Variants in RAI1 observed in about 807,000 individuals in gnomAD.
RAI1 encodes retinoic acid-induced protein 1.
RAI1 carries 9 observed loss-of-function variants against 123.8 expected under a neutral mutation model. The observed-to-expected ratio is 0.07, with a 90% confidence interval of 0.04 to 0.13. The LOEUF is 0.13. Ranked by LOEUF, RAI1 falls within the 10% of genes least tolerant of loss-of-function variation. The pLI is 1.00. For missense variants in RAI1, 2,256 were observed against 2,545.8 expected (o/e 0.89, Z 2.45); for synonymous variants, 1,231 against 1,127.3 (o/e 1.09, Z -1.84).
chr17:17,792,870 C>A (rs1244715091), intron 2 of RAI1, 63 bp from the exon 3 acceptor site: 2 of 1,070,094 alleles, frequency 1.9e-6, no homozygotes, highest in Admixed American at 2.0e-5. Context: ...TCCTCTGCCC[C>A]CTCCCTGCCC....
intron 1 of RAI1, among the ~76,000 whole-genome samples, chr17:17,710,351 C>T (rs1408386925): frequency 2.0e-5 from 3 of 152,210 alleles, no homozygotes; most frequent in Non-Finnish European, 4.4e-5. Context: ...GGTACCCATC[C>T]CACCCTCCAA....
chr17:17,767,410 G>GA (rs750016149), intron 2 of RAI1, among the ~76,000 whole-genome samples: 203 of 139,202 alleles, frequency 1.5e-3, no homozygotes, highest in Middle Eastern at 3.7e-3. Context: ...AAAACTCGCT[G>GA]AAAAAAAAAA....
At chr17:17,699,147 G>A (rs992035283) in intron 1 of RAI1, among the ~76,000 whole-genome samples, 1 of 152,236 alleles carries the variant, frequency 6.6e-6, no homozygotes, top group East Asian at 1.9e-4. Context: ...TGGGCTCCTA[G>A]AGGCTGGTGG....
At chr17:17,756,872 C>A (rs1021054320) in intron 2 of RAI1, among the ~76,000 whole-genome samples, 1 of 152,222 alleles carries the variant, frequency 6.6e-6, no homozygotes, top group Non-Finnish European at 1.5e-5. Flanking sequence ...CACCTGTTCA[C>A]TGGGGTGATG....
Position 17,810,235 on chromosome 17 carries a change from C to T in RAI1, c.*254C>T. 1 of 553,918 alleles carries T rather than the reference C, an allele frequency of 1.8e-6. No individual in the cohort carries two copies. The highest frequency in any genetic ancestry group is 3.1e-6 in the Non-Finnish European group (1 of 321,968). 34.3% of individuals were successfully genotyped at this position (553,918 alleles called of 1,614,324 possible). A position where few individuals can be genotyped will look rare whatever the true frequency, so the allele number is the denominator to read the frequency against. On this transcript the variant is annotated 3_prime_UTR_variant, in exon 6 of 6. Transcript: ENST00000353383. This position sits in a 1 kb window ranked among gnomAD's most constrained non-coding sequence, Gnocchi z 4.6. ...ACGGCACAGGGCGTTCTTGCCCACC[C>T]CAGGGGCCAGGCTTGCGGAGGGGGA...
chr17:17,763,005 A>G (rs2142992816), intron 2 of RAI1, among the ~76,000 whole-genome samples: 1 of 152,150 alleles, frequency 6.6e-6, no homozygotes, highest in Non-Finnish European at 1.5e-5. Context: ...GCCAGAGCTG[A>G]ACCCAGAGAT....
At chr17:17,749,400 G>A (rs988437237) in intron 2 of RAI1, among the ~76,000 whole-genome samples, 33 of 152,380 alleles carry the variant, frequency 2.2e-4, no homozygotes, top group African/African-American at 5.8e-4. Context: ...GGCATCAGGC[G>A]GAGGTCTTTC....
chr17:17,688,357 G>A (rs1914711934), intron 1 of RAI1, among the ~76,000 whole-genome samples: 1 of 151,990 alleles, frequency 6.6e-6, no homozygotes, highest in Non-Finnish European at 1.5e-5. Flanking sequence ...AGTGTCACAT[G>A]CCTGTAATCC....
At chr17:17,741,390 C>G (rs968669296) in intron 2 of RAI1, among the ~76,000 whole-genome samples, 1 of 152,214 alleles carries the variant, frequency 6.6e-6, no homozygotes, top group Non-Finnish European at 1.5e-5. Context: ...CCCTCCCGGG[C>G]CCCTCCATCA....
intron 2 of RAI1, among the ~76,000 whole-genome samples, chr17:17,740,298 C>G (rs554309203): frequency 6.6e-6 from 1 of 152,290 alleles, no homozygotes; most frequent in African/African-American, 2.4e-5. Context: ...GTCCCTAGCT[C>G]CTCCTCTGTC....
intron 1 of RAI1, among the ~76,000 whole-genome samples, chr17:17,719,289 G>C (rs961802497): frequency 4.6e-5 from 7 of 152,172 alleles, no homozygotes; most frequent in Admixed American, 6.5e-5. Context: ...AGCCCCTGTA[G>C]GTGTGGCCCC....
chr17:17,765,513 G>A (rs887198304), intron 2 of RAI1, among the ~76,000 whole-genome samples: 14 of 152,260 alleles, frequency 9.2e-5, no homozygotes, highest in Non-Finnish European at 1.9e-4. Flanking sequence ...AGCCCCAAAC[G>A]GCAAGACGTA....
intron 2 of RAI1, among the ~76,000 whole-genome samples, chr17:17,746,609 GTTTTCTTTTTTTTTCTTTTC>G (rs2029931746): frequency 6.9e-6 from 1 of 144,784 alleles, no homozygotes; most frequent in African/African-American, 2.5e-5. Flanking sequence ...CACCATATGT[GTTTTCTTTTTTTTTCTTTTC>G]TTTTCTTTTT....
intron 4 of RAI1, among the ~76,000 whole-genome samples, chr17:17,804,808 G>A (rs1052956421): frequency 9.2e-5 from 14 of 152,152 alleles, no homozygotes; most frequent in African/African-American, 2.4e-4. Context: ...ACAGATGTGC[G>A]CAGCCATGCT....
intron 1 of RAI1, among the ~76,000 whole-genome samples, chr17:17,711,432 T>C (rs1044013197): frequency 1.3e-5 from 2 of 151,774 alleles, no homozygotes; most frequent in African/African-American, 4.8e-5. Context: ...CTCCCCGGAG[T>C]TGGGGGGCGG....
chr17:17,688,213 G>A (rs554532287), intron 1 of RAI1, among the ~76,000 whole-genome samples: 19 of 151,228 alleles, frequency 1.3e-4, no homozygotes, highest in Admixed American at 6.6e-4. Context: ...GGCAGGGCGC[G>A]GTGGCTTACG....
At chr17:17,769,214 C>T (rs1211089678) in intron 2 of RAI1, among the ~76,000 whole-genome samples, 3 of 152,274 alleles carry the variant, frequency 2.0e-5, no homozygotes, top group Non-Finnish European at 4.4e-5. Flanking sequence ...GCCAGGGTAT[C>T]TGAGGGGAGC....
rs79126590 is a variant in RAI1, at chr17:17,784,509, C to T, written c.-16-8424C>T. ...CCACTGGCCCACTCTGGGCTTCTTC[C>T]ATTAATCCCTCGGCAAAATGAGGGG... On this transcript the variant is annotated intron_variant, in intron 2 of 5. Transcript: ENST00000353383. Among the ~76,000 whole-genome samples the T allele has an allele frequency of 4.2e-3, 641 of 152,352 alleles. 6 individuals carry two copies. The highest frequency in any genetic ancestry group is 0.015 in the African/African-American group (603 of 41,586).
chr17:17,760,808 G>A (rs913200329), intron 2 of RAI1, among the ~76,000 whole-genome samples: 1 of 152,014 alleles, frequency 6.6e-6, no homozygotes, highest in Non-Finnish European at 1.5e-5. Context: ...CCAGGGCCAG[G>A]CCAAGAAAGG....
Sources: gnomAD v4.1 joint callset for allele counts (sites outside exome capture counted in the v4.1 genomes callset) on GRCh38, gnomAD v4.1.1 for gene constraint, Gnocchi (gnomAD v3.1) non-coding constraint, MANE v1.5 for transcripts, NCBI Gene and HGNC (gene_info 2026-07-23, HGNC 2026-07-21) for gene names.